Variants in CDH13 observed in about 807,000 individuals in gnomAD.
CDH13 encodes the protein cadherin 13.
Under a neutral mutation model 63.8 loss-of-function variants are expected in CDH13, and 24 were observed. The observed-to-expected ratio is 0.38, with a 90% CI of 0.27 to 0.53. CDH13 has a LOEUF of 0.53. Ranked by LOEUF, CDH13 falls within the 20% of genes least tolerant of loss-of-function variation. CDH13 has a pLI of 0.85. For synonymous variants in CDH13, 503 were observed against 355.3 expected (o/e 1.42, Z -4.67); for missense variants, 1,049 against 903.1 (o/e 1.16, Z -2.07).
At chr16:82,672,994 G>GTTTTTTTTTTT (rs1194023626) in intron 1 of CDH13, among the ~76,000 whole-genome samples, 1 of 26,536 alleles carries the variant, frequency 3.8e-5, no homozygotes, top group Non-Finnish European at 7.0e-5. Context: ...TTTTTATAAA[G>GTTTTTTTTTTT]TTTTCTTTTT....
At chr16:83,309,299 G>C (rs1010475876) in intron 5 of CDH13, among the ~76,000 whole-genome samples, 2 of 152,166 alleles carry the variant, frequency 1.3e-5, no homozygotes, top group Non-Finnish European at 2.9e-5. Context: ...ATCGAAGTCA[G>C]ATTTATATGG....
chr16:83,525,530 C>T (rs541707441), intron 7 of CDH13, among the ~76,000 whole-genome samples: 1 of 152,212 alleles, frequency 6.6e-6, no homozygotes, highest in Non-Finnish European at 1.5e-5. Context: ...CTGCTTGTTG[C>T]CAAGCCCTTG....
At chr16:82,795,078 C>G (rs1292004668) in intron 1 of CDH13, among the ~76,000 whole-genome samples, 1 of 152,214 alleles carries the variant, frequency 6.6e-6, no homozygotes, top group Non-Finnish European at 1.5e-5. Context: ...GCTTCCCATA[C>G]TCATCTCCAA....
chr16:82,793,489 C>A (rs570609520), intron 1 of CDH13, among the ~76,000 whole-genome samples: 2 of 152,090 alleles, frequency 1.3e-5, no homozygotes, highest in East Asian at 3.9e-4. Context: ...TTTCATTATC[C>A]GATTGAGTTC....
In CDH13 at chr16:83,171,549, G is replaced by C. The variant is rs1330644456; in HGVS notation, c.484-45796G>C. ...GAAGATTTGGCAAGTTCTGTGCCTA[G>C]CACGATGGCTGACATGAGATAAGTG... On this transcript the variant is annotated intron_variant, in intron 4 of 13. Transcript: ENST00000567109. 13 of 1,534,310 alleles carry C rather than the reference G, an allele frequency of 8.5e-6. No individual in the cohort carries two copies. In the East Asian group the frequency reaches 2.7e-4, roughly 32 times the overall value.
At chr16:83,569,901 T>C (rs1036387614) in intron 7 of CDH13, among the ~76,000 whole-genome samples, 1 of 152,112 alleles carries the variant, frequency 6.6e-6, no homozygotes, top group Non-Finnish European at 1.5e-5. Context: ...CATGCCAGGC[T>C]AATTTTTGTA....
intron 7 of CDH13, among the ~76,000 whole-genome samples, chr16:83,501,817 A>G (rs999142532): frequency 1.3e-5 from 2 of 152,210 alleles, no homozygotes; most frequent in Admixed American, 1.3e-4. Context: ...GGACAACTTT[A>G]TCTTTTATCA....
At chr16:83,601,950 A>G (rs8046626) in intron 7 of CDH13, among the ~76,000 whole-genome samples, 77,274 of 151,266 alleles carry the variant, frequency 0.51, 22,301 homozygotes, top group African/African-American at 0.8. Context: ...AATATTAGCC[A>G]GGCATGGTGA....
At chr16:83,538,623 T>A (rs568694597) in intron 7 of CDH13, among the ~76,000 whole-genome samples, 1 of 152,154 alleles carries the variant, frequency 6.6e-6, no homozygotes, top group Non-Finnish European at 1.5e-5. Context: ...AGGAAAAGGG[T>A]AGATTGGCAT....
At chr16:83,612,054 ACCTTC>A (rs1461193276) in intron 8 of CDH13, among the ~76,000 whole-genome samples, 1 of 151,894 alleles carries the variant, frequency 6.6e-6, no homozygotes, top group East Asian at 1.9e-4. Flanking sequence ...TGTTGTTCAA[ACCTTC>A]TATATATGTT....
chr16:83,379,938 T>TATAGAGAGAGAG lies in CDH13; in HGVS notation c.781+34933_781+34934insTAGAGAGAGAGA. Among the ~76,000 whole-genome samples the TATAGAGAGAGAG allele has an allele frequency of 4.7e-3, 585 of 123,430 alleles. 1 individual carries two copies. Among genetic ancestry groups the TATAGAGAGAGAG allele is most frequent in the Non-Finnish European group, 7.1e-3 (433 of 61,126 alleles). The allele number at this position is 123,430 out of a possible 152,430, so 81.0% of individuals were successfully genotyped here. ...GTGTGTGTATATATATATATATATATAGAGAGAGAGAGAGAGAGAGAGAGA... is the reference window on the plus strand; with the variant it reads ...GTGTGTGTATATATATATATATATATATAGAGAGAGAGAGAGAGAGAGAGAGAGAGAGAGAGA... On this transcript the variant is annotated intron_variant, in intron 6 of 13. Transcript: ENST00000567109.
At chr16:82,926,058 G>A (rs374288033) in intron 2 of CDH13, 5 of 152,138 alleles carry the variant, frequency 3.3e-5, no homozygotes, top group African/African-American at 1.2e-4. Context: ...AAATAAAAAA[G>A]ACATTTTAAT....
At chr16:82,871,785 C>G (rs941280591) in intron 2 of CDH13, among the ~76,000 whole-genome samples, 4 of 152,186 alleles carry the variant, frequency 2.6e-5, no homozygotes, top group Non-Finnish European at 5.9e-5. Context: ...TATCACCCTT[C>G]ATCCCCCAGC....
At chr16:83,705,170 A>G (rs577158395) in intron 10 of CDH13, among the ~76,000 whole-genome samples, 1 of 152,340 alleles carries the variant, frequency 6.6e-6, no homozygotes, top group Admixed American at 6.5e-5. Flanking sequence ...ATAGGTTAAT[A>G]AGTGAACCAA....
chr16:83,762,538 A>G (rs1156762809), intron 11 of CDH13, among the ~76,000 whole-genome samples: 2 of 152,194 alleles, frequency 1.3e-5, no homozygotes, highest in Non-Finnish European at 2.9e-5. Context: ...ACTCCTGCCT[A>G]CAGGTAATCA....
At chr16:83,319,138 A>T (rs1477952265) in intron 5 of CDH13, among the ~76,000 whole-genome samples, 1 of 152,094 alleles carries the variant, frequency 6.6e-6, no homozygotes, top group Admixed American at 6.6e-5. Flanking sequence ...ACAAAGTAAT[A>T]TTCTTTTCTT....
intron 6 of CDH13, among the ~76,000 whole-genome samples, chr16:83,385,748 A>G (rs1234055959): frequency 6.6e-6 from 1 of 152,170 alleles, no homozygotes; most frequent in Admixed American, 6.5e-5. Flanking sequence ...TGGAGAATAT[A>G]TGGGAACCTC....
intron 5 of CDH13, among the ~76,000 whole-genome samples, chr16:83,335,038 A>G (rs535811991): frequency 5.2e-4 from 79 of 152,306 alleles, no homozygotes; most frequent in Non-Finnish European, 1.1e-3. Flanking sequence ...ATCACAACAA[A>G]CATTGTATCC....
At chr16:83,146,979 C>G (rs13332672) in intron 4 of CDH13, among the ~76,000 whole-genome samples, 1 of 151,916 alleles carries the variant, frequency 6.6e-6, no homozygotes, top group African/African-American at 2.4e-5. Flanking sequence ...TCTCAGCTAC[C>G]CAGCAGGCTG....
Sources: allele counts gnomAD v4.1 joint callset (sites outside exome capture counted in the v4.1 genomes callset), GRCh38; gene constraint gnomAD v4.1.1; transcripts MANE v1.5; gene names NCBI Gene and HGNC (gene_info 2026-07-23, HGNC 2026-07-21).